Variants in CHD4 observed in about 807,000 individuals in gnomAD.
CHD4 encodes the protein ATP-dependent chromatin remodeler CHD4.
CHD4 carries 35 observed loss-of-function variants against 235.5 expected under a neutral mutation model. The observed-to-expected ratio is 0.15, with a 90% CI of 0.11 to 0.20. The LOEUF (loss-of-function observed/expected upper bound fraction) is 0.20. Among genes scored for constraint, CHD4 ranks in the 10% least tolerant of loss-of-function variants. The pLI, the probability that CHD4 is intolerant of heterozygous loss-of-function variation, is 1.00. For missense variants in CHD4, 1,329 were observed against 2,432.3 expected (o/e 0.55, Z 9.54); for synonymous variants, 900 against 850.2 (o/e 1.06, Z -1.02).
In CHD4 at chr12:6,570,990, T is replaced by A; in HGVS notation, c.5600A>T (p.Asp1867Val). The A allele has an allele frequency of 6.2e-7, 1 of 1,614,192 alleles. No individual in the cohort carries two copies. Among genetic ancestry groups the A allele is most frequent in the Non-Finnish European group, 8.5e-7 (1 of 1,180,046 alleles). ...AATGGTAGCTGGGAGTCGAGTCACA[T>A]CAGCTTTCATGTCACTCAGCAGTTC... ...LEELLSDMKA[D>V]VTRLPATIAR... Residue 1867 changes from aspartate (D) to valine (V), a missense_variant, in exon 39 of 40, where the codon GAT (aspartate) becomes GTT (valine). Transcript: ENST00000544040.
intron 10 of CHD4, among the ~76,000 whole-genome samples, chr12:6,599,330 A>G (rs1948550292): frequency 6.6e-6 from 1 of 151,968 alleles, no homozygotes; most frequent in Non-Finnish European, 1.5e-5. Context: ...CTAGCTACTC[A>G]GCAAGAGGTT....
chr12:6,598,923 G>T (rs538371950), intron 10 of CHD4, among the ~76,000 whole-genome samples: 1 of 152,378 alleles, frequency 6.6e-6, no homozygotes, highest in South Asian at 2.1e-4. Context: ...AAGTATTTTG[G>T]ATTTCACATT....
intron 2 of CHD4, among the ~76,000 whole-genome samples, chr12:6,604,651 C>T (rs1408391027): frequency 2.0e-5 from 3 of 151,934 alleles, no homozygotes; most frequent in Admixed American, 6.6e-5. Flanking sequence ...GCAAAGGGGA[C>T]ATCCTTCCAT....
intron 10 of CHD4, among the ~76,000 whole-genome samples, chr12:6,598,994 G>A (rs574389718): frequency 6.6e-6 from 1 of 152,294 alleles, no homozygotes; most frequent in Non-Finnish European, 1.5e-5. Context: ...CATCGTCCAG[G>A]ATTTGCGTGC....
In CHD4 at chr12:6,592,824, A is replaced by G; in HGVS notation, c.2653-7T>C. The G allele has an allele frequency of 1.9e-6, 3 of 1,607,202 alleles. No homozygotes were observed. The highest frequency in any genetic ancestry group is 2.5e-6 in the Non-Finnish European group (3 of 1,178,064). ...CATTCAATACCCGGAAGAACTGGTG[A>G]AGCAGATGGAGAAAGGTGAAATCCA... On this transcript the variant is annotated splice_region_variant and splice_polypyrimidine_tract_variant and intron_variant, in intron 17 of 39. Transcript: ENST00000544040.
intron 15 of CHD4, 61 bp downstream of exon 15, chr12:6,594,398 A>C (rs1948450347): frequency 6.8e-7 from 1 of 1,475,662 alleles, no homozygotes; most frequent in Non-Finnish European, 9.2e-7. Context: ...TACTCAGTGT[A>C]AGTTAAGGCT....
Position 6,591,146 on chromosome 12 carries a change from A to AC in CHD4, c.3340+319_3340+320insG, listed in dbSNP as rs1396989886. ...TCAAAAAAAAAAAAAAAAAAAAAAA[A>AC]AAAAACCTAGTAGCGTCTACTGAGG... is the stretch of plus-strand genomic sequence containing the variant. On this transcript the variant is annotated intron_variant, in intron 22 of 39. Transcript: ENST00000544040. 242 of 183,810 alleles carry AC rather than the reference A, an allele frequency of 1.3e-3. 1 individual carries two copies. Among genetic ancestry groups the AC allele is most frequent in the Non-Finnish European group, 1.9e-3 (173 of 90,362 alleles). The allele number at this position is 183,810 out of a possible 1,614,324, so 11.4% of individuals were successfully genotyped here. A position where few individuals can be genotyped will look rare whatever the true frequency, so the allele number is the denominator to read the frequency against.
At chr12:6,603,001 C>G (rs1283684429) in intron 2 of CHD4, 2 of 152,756 alleles carry the variant, frequency 1.3e-5, no homozygotes, top group African/African-American at 4.8e-5. Context: ...GTCATCACTG[C>G]TCAAATTAAC....
In CHD4 at chr12:6,570,815, A is replaced by G. The variant is rs575846387; in HGVS notation, c.5721+54T>C. Reference sequence around the variant, plus strand: ...GCTAGGGACATACAGCAAAGTTACAAGCTCCAGAATGGTTCTGCAGGAAGA... The same window carrying G: ...GCTAGGGACATACAGCAAAGTTACAGGCTCCAGAATGGTTCTGCAGGAAGA... On this transcript the variant is annotated intron_variant, in intron 39 of 39. Transcript: ENST00000544040. 97 of 1,612,382 alleles carry G rather than the reference A, an allele frequency of 6.0e-5. No individual in the cohort carries two copies. In the African/African-American group the frequency reaches 9.9e-4, roughly 16 times the overall value.
At position 6,601,683 on chromosome 12, in the gene CHD4, G is replaced by C; in HGVS notation, c.522C>G (p.Thr174=). 1 of 1,614,158 alleles carries C rather than the reference G, an allele frequency of 6.2e-7. No homozygotes were observed. Among genetic ancestry groups the C allele is most frequent in the Non-Finnish European group, 8.5e-7 (1 of 1,180,028 alleles). ...DHVFSEEDYR[T]LTNYKAFSQF... is the part of the protein sequence containing the mutation. ...GGCTGAAGGCCTTGTAGTTGGTGAG[G>C]GTTCGATAATCCTCCTCTGAGAACA... is the stretch of plus-strand genomic sequence containing the variant. The change falls in exon 5 of 40, where the codon ACC becomes ACG. Residue 174 remains threonine, a synonymous_variant. Transcript: ENST00000544040.
chr12:6,579,609 C>CA (rs1157460937), intron 33 of CHD4: 19 of 145,794 alleles, frequency 1.3e-4, no homozygotes, highest in African/African-American at 3.5e-4. Context: ...AAAACAACAA[C>CA]AAAAAAAACA....
intron 38 of CHD4, among the ~76,000 whole-genome samples, chr12:6,572,584 C>T (rs1040646031): frequency 6.6e-6 from 1 of 152,036 alleles, no homozygotes; most frequent in Non-Finnish European, 1.5e-5. Context: ...TGGAGTCTCA[C>T]TATGTTGCCC....
chr12:6,595,428 T>A lies in CHD4; in HGVS notation c.2027A>T (p.Glu676Val). 6.2e-7 allele frequency: 1 copy of A among 1,613,478 alleles called. No individual in the cohort carries two copies. The highest frequency in any genetic ancestry group is 1.3e-5 in the African/African-American group (1 of 74,960). ...LFKQSYWNHR[E>V]LMRGEEGRPG... ...TCGGCCTTCCTCACCCCTCATTAAC[T>A]CCCTAAAGAAGAAAGACATCACACA... The change falls in exon 14 of 40, where the codon GAG becomes GTG. Residue 676 changes from glutamate to valine, a missense_variant and splice_region_variant. Transcript: ENST00000544040.
At chr12:6,590,819 A>G (rs1948382176) in intron 22 of CHD4, among the ~76,000 whole-genome samples, 1 of 152,062 alleles carries the variant, frequency 6.6e-6, no homozygotes, top group African/African-American at 2.4e-5. Context: ...GTGAGACCCT[A>G]TCTCGAATAA....
At chr12:6,589,693 GGAGGCA>G (rs1948358011) in intron 22 of CHD4, among the ~76,000 whole-genome samples, 1 of 151,860 alleles carries the variant, frequency 6.6e-6, no homozygotes, top group Admixed American at 6.6e-5. Context: ...CTTGAACCCG[GGAGGCA>G]GAGGTTGCAG....
Position 6,577,794 on chromosome 12 carries a change from T to A in CHD4, c.5352A>T (p.Arg1784=). ...FLEIKNKFLA[R]RFKLLEQALV... ...CTCCCCAACCGCTCACCTTAAACCT[T>A]CGAGCTAGAAATTTATTCTTGATCT... Residue 1784 remains arginine (R), a synonymous_variant, in exon 37 of 40, where the codon CGA becomes CGT. Coordinates refer to ENST00000544040, the MANE Select transcript of CHD4 (RefSeq NM_001273.5). 6.2e-7 allele frequency: 1 copy of A among 1,614,218 alleles called. No individual in the cohort carries two copies. Among genetic ancestry groups the A allele is most frequent in the East Asian group, 2.2e-5 (1 of 44,890 alleles).
rs2136200941 is a variant in CHD4 at position 6,581,033 on chromosome 12, G to C, written c.4909+11C>G. The C allele has an allele frequency of 6.2e-7, 1 of 1,612,290 alleles. No homozygotes were observed. The highest frequency in any genetic ancestry group is 8.5e-7 in the Non-Finnish European group (1 of 1,179,576). ...CAAACAAACAAACAAAAAAAATGTGGATACCTTTACCTTTGGGCTCTGTCT... is the reference window on the plus strand; with the variant it reads ...CAAACAAACAAACAAAAAAAATGTGCATACCTTTACCTTTGGGCTCTGTCT... On this transcript the variant is annotated intron_variant, in intron 33 of 39. Coordinates refer to ENST00000544040, the MANE Select transcript of CHD4 (RefSeq NM_001273.5).
At chr12:6,592,350 G>C (rs1029454700) in intron 19 of CHD4, 43 bp downstream of exon 19, 3 of 1,538,856 alleles carry the variant, frequency 1.9e-6, no homozygotes, top group Middle Eastern at 2.0e-4. Flanking sequence ...CTGCAGACTG[G>C]CAGATGTCTA....
At position 6,587,716 on chromosome 12, in the gene CHD4, A is replaced by G. The variant is rs775287720; in HGVS notation, c.3699T>C (p.Asp1233=). ...TEELFKDEAT[D]GGGDNKEGED... Reference sequence around the variant, plus strand: ...GTAAGTTCCTGACTACCTCACCTCCATCAGTGGCTTCATCCTTGAATAGTT... The same window carrying G: ...GTAAGTTCCTGACTACCTCACCTCCGTCAGTGGCTTCATCCTTGAATAGTT... The change falls in exon 24 of 40, where the codon GAT becomes GAC. Residue 1233 remains aspartate (D), a synonymous_variant. Transcript: ENST00000544040. The G allele has an allele frequency of 3.1e-6, 5 of 1,613,916 alleles. No homozygotes were observed. In the South Asian group the frequency reaches 5.5e-5, roughly 18 times the overall value.
Sources: gnomAD v4.1 joint callset for allele counts (sites outside exome capture counted in the v4.1 genomes callset) on GRCh38, gnomAD v4.1.1 for gene constraint, MANE v1.5 for transcripts, NCBI Gene and HGNC (gene_info 2026-07-23, HGNC 2026-07-21) for gene names.